LRP2: variants seen among roughly 807,000 people sequenced by gnomAD.
The protein encoded by LRP2 is low-density lipoprotein receptor-related protein 2.
A neutral mutation model predicts 531.0 loss-of-function variants in LRP2; 172 were observed. The ratio of observed to expected loss-of-function variants is 0.32; its 90% CI spans 0.29 to 0.37. The LOEUF is 0.37. LRP2 is among the 10% of genes least tolerant of loss of function. LRP2 has a pLI of 1.00. For missense variants in LRP2, 5,167 were observed against 5,868.3 expected (o/e 0.88, Z 3.90); for synonymous variants, 1,992 against 2,027.6 (o/e 0.98, Z 0.47).
chr2:169,153,253 T>C (rs1221240898), intron 66 of LRP2, among the ~76,000 whole-genome samples: 1 of 152,216 alleles, frequency 6.6e-6, no homozygotes, highest in Non-Finnish European at 1.5e-5. Context: ...TTTACTCTTA[T>C]TAGGATCAAG....
rs868437995 is a variant in LRP2, at chr2:169,280,424, G to A, written c.1267C>T (p.Arg423Cys). The part of the protein sequence containing the change: ...SFRILVESQN[R>C]GVAVGVAFHY... Reference sequence around the variant, plus strand: ...AAAGCCACACCCACGGCCACTCCACGATTCTGAGACTCCACTAGGATCCGG... The same window carrying A: ...AAAGCCACACCCACGGCCACTCCACAATTCTGAGACTCCACTAGGATCCGG... Residue 423 changes from arginine to cysteine, a missense_variant, in exon 11 of 79, where the codon CGT becomes TGT. Arg to Cys is a radical substitution (Grantham distance 180, BLOSUM62 -3). This residue lies in a region of LRP2 where 2,811 missense variants were observed against 3,058.0 expected (regional missense o/e 0.92). Transcript: ENST00000649046. The A allele has an allele frequency of 1.9e-6, 3 of 1,614,140 alleles. No individual in the cohort carries two copies. The highest frequency in any genetic ancestry group is 2.5e-6 in the Non-Finnish European group (3 of 1,180,018).
chr2:169,316,989 C>T (rs72880418), intron 3 of LRP2, among the ~76,000 whole-genome samples: 7,795 of 152,144 alleles, frequency 0.051, 233 homozygotes, highest in Non-Finnish European at 0.06. Flanking sequence ...AGGAAAAGTG[C>T]CCATTGGCAA....
chr2:169,294,459 T>C (rs1234440220), intron 5 of LRP2, 141 bp downstream of exon 5: 1 of 769,970 alleles, frequency 1.3e-6, no homozygotes, highest in Non-Finnish European at 2.3e-6. Flanking sequence ...AGTGTGTAAA[T>C]ACTCCTACCA....
chr2:169,300,461 A>T (rs1299221542), intron 4 of LRP2, among the ~76,000 whole-genome samples: 1 of 152,100 alleles, frequency 6.6e-6, no homozygotes, highest in Non-Finnish European at 1.5e-5. Context: ...AGTTGGATAT[A>T]TCACATATGT....
At chr2:169,327,324 CCCGCCCGGCCAG>C (rs1685109599) in intron 1 of LRP2, among the ~76,000 whole-genome samples, 1 of 133,184 alleles carries the variant, frequency 7.5e-6, no homozygotes, top group African/African-American at 2.8e-5. Flanking sequence ...GGGTCAGCCC[CCCGCCCGGCCAG>C]CCGCCCCATC....
chr2:169,169,842 C>T (rs767750256), intron 59 of LRP2, 24 bp from the exon 60 acceptor site: 15 of 1,499,134 alleles, frequency 1.0e-5, no homozygotes, highest in South Asian at 5.6e-5. Flanking sequence ...ATTGTCATTC[C>T]GAGAAGGCCT....
At chr2:169,275,262 T>C in intron 13 of LRP2, 24 bp from the exon 14 acceptor site, 2 of 1,573,450 alleles carry the variant, frequency 1.3e-6, no homozygotes, top group South Asian at 2.2e-5. Flanking sequence ...CACATATATA[T>C]CATACAATTT....
intron 3 of LRP2, among the ~76,000 whole-genome samples, chr2:169,307,864 A>T (rs1684468237): frequency 6.6e-6 from 1 of 152,190 alleles, no homozygotes; most frequent in South Asian, 2.1e-4. Flanking sequence ...TAAACTGCCT[A>T]CATTGACCAT....
rs972414984 is a variant in LRP2 at position 169,231,557 on chromosome 2, G to A, written c.5227+157C>T. Among the ~76,000 whole-genome samples the A allele has an allele frequency of 5.9e-5, 9 of 152,142 alleles. No homozygotes were observed. The South Asian group carries it at 6.2e-4, about 11-fold the overall frequency. On this transcript the variant is annotated intron_variant, in intron 31 of 78. Coordinates refer to ENST00000649046, the MANE Select transcript of LRP2 (RefSeq NM_004525.3). ...AACTGTATTACAACCAAGGCACACAGTGACATCACCCCATACAACACACAT... is the reference window on the plus strand; with the variant it reads ...AACTGTATTACAACCAAGGCACACAATGACATCACCCCATACAACACACAT...
At chr2:169,361,889 T>A (rs1055352149) in intron 1 of LRP2, among the ~76,000 whole-genome samples, 1 of 151,940 alleles carries the variant, frequency 6.6e-6, no homozygotes, top group African/African-American at 2.4e-5. Flanking sequence ...CGCGAAGGGA[T>A]CCCGGGAGGG....
chr2:169,203,000 A>G (rs1465627118), intron 42 of LRP2, 41 bp from the exon 43 acceptor site: 1 of 1,567,106 alleles, frequency 6.4e-7, no homozygotes, highest in Admixed American at 1.7e-5. Context: ...AGATGGATGC[A>G]GCCACCGTTC....
chr2:169,257,859 T>TA (rs11412926), intron 17 of LRP2, among the ~76,000 whole-genome samples: 14,704 of 137,526 alleles, frequency 0.11, 878 homozygotes, highest in African/African-American at 0.17. Flanking sequence ...CAAAAGAAAA[T>TA]AAAAAAACAA....
At position 169,187,951 on chromosome 2, in the gene LRP2, A is replaced by G; in HGVS notation, c.9328+19T>C. On this transcript the variant is annotated intron_variant, in intron 49 of 78. Transcript: ENST00000649046. ...CAGTCTCCCCTGTTTCCTTTTCCCA[A>G]ATCCTCTGTTGTACTCACCACAGCC... 6.2e-7 allele frequency: 1 copy of G among 1,613,744 alleles called. No individual in the cohort carries two copies. The highest frequency in any genetic ancestry group is 8.5e-7 in the Non-Finnish European group (1 of 1,179,746).
At chr2:169,178,112 T>TA in intron 52 of LRP2, 86 bp from the exon 53 acceptor site, 1 of 984,092 alleles carries the variant, frequency 1.0e-6, no homozygotes, top group Non-Finnish European at 1.6e-6. Context: ...CACAAATCAA[T>TA]AAAATTCTAC....
chr2:169,269,161 G>A (rs546555224), intron 16 of LRP2, among the ~76,000 whole-genome samples: 237 of 152,246 alleles, frequency 1.6e-3, no homozygotes, highest in Non-Finnish European at 2.3e-3. Flanking sequence ...TCAATATTGT[G>A]AAAATGGCCA....
At chr2:169,361,491 C>G (rs1686164081) in intron 1 of LRP2, among the ~76,000 whole-genome samples, 3 of 151,776 alleles carry the variant, frequency 2.0e-5, no homozygotes, top group Admixed American at 2.0e-4. Context: ...CTCTTACGCT[C>G]TCTCCTCTTC....
At position 169,292,298 on chromosome 2, in the gene LRP2, C is replaced by T; in HGVS notation, c.724G>A (p.Asp242Asn). 1 of 1,614,130 alleles carries T rather than the reference C, an allele frequency of 6.2e-7. No homozygotes were observed. The highest frequency in any genetic ancestry group is 8.5e-7 in the Non-Finnish European group (1 of 1,179,974). ...GRCIYQNWVCDGEDDCKDNGD... is the reference protein window; with the variant it reads ...GRCIYQNWVCNGEDDCKDNGD... ...TTATCTTTACAGTCATCTTCTCCAT[C>T]ACAAACCCAGTTTTGATAAATGCAT... The change falls in exon 7 of 79, where the codon GAT (aspartate) becomes AAT (asparagine). Residue 242 changes from aspartate to asparagine, a missense_variant. Physicochemically the swap from Asp to Asn is conservative, Grantham distance 23 (BLOSUM62 1). Coordinates refer to ENST00000649046, the MANE Select transcript of LRP2 (RefSeq NM_004525.3).
chr2:169,182,107 C>T (rs1031739998), intron 51 of LRP2, 60 bp downstream of exon 51: 17 of 1,599,894 alleles, frequency 1.1e-5, no homozygotes, highest in African/African-American at 8.0e-5. Context: ...ACAGCCTTCT[C>T]GGTAACAGAG....
In LRP2 at chr2:169,292,296, A is replaced by G. The variant is rs989293171; in HGVS notation, c.726T>C (p.Asp242=). ...GRCIYQNWVC[D]GEDDCKDNGD... is the part of the protein sequence containing the mutation. The stretch of plus-strand genomic sequence containing the variant: ...CATTATCTTTACAGTCATCTTCTCC[A>G]TCACAAACCCAGTTTTGATAAATGC... The change falls in exon 7 of 79, where the codon GAT becomes GAC. Residue 242 remains aspartate (D), a synonymous_variant. Coordinates refer to ENST00000649046, the MANE Select transcript of LRP2 (RefSeq NM_004525.3). The G allele has an allele frequency of 5.0e-6, 8 of 1,614,016 alleles. No homozygotes were observed. Among genetic ancestry groups the G allele is most frequent in the African/African-American group, 2.7e-5 (2 of 74,910 alleles).
Sources: allele counts gnomAD v4.1 joint callset (sites outside exome capture counted in the v4.1 genomes callset), GRCh38; gene constraint gnomAD v4.1.1; regional missense constraint gnomAD v4.1.1; transcripts MANE v1.5; gene names NCBI Gene and HGNC (gene_info 2026-07-23, HGNC 2026-07-21).